SPECC1L: variants seen among roughly 807,000 people sequenced by gnomAD.
SPECC1L encodes the protein cytospin-A.
In SPECC1L, 40 loss-of-function variants were observed where a neutral mutation model predicts 116.8. That is an observed-to-expected ratio of 0.34 (90% CI 0.27 to 0.45). The LOEUF (loss-of-function observed/expected upper bound fraction) is 0.45. Among genes scored for constraint, SPECC1L ranks in the 20% least tolerant of loss-of-function variants. The pLI is 1.00. For missense variants in SPECC1L, 1,110 were observed against 1,373.6 expected, an observed-to-expected ratio of 0.81 and a Z score of 3.03; for synonymous variants, 504 against 500.6, an observed-to-expected ratio of 1.01 and a Z score of -0.09.
At chr22:24,407,477 T>C (rs1036853439) in intron 14 of SPECC1L, among the ~76,000 whole-genome samples, 13 of 152,072 alleles carry the variant, frequency 8.5e-5, no homozygotes, top group African/African-American at 3.1e-4. Context: ...CGCTGTGCAG[T>C]GGTGAGGCCA....
chr22:24,351,410 A>G (rs951949018), intron 11 of SPECC1L, among the ~76,000 whole-genome samples: 3 of 152,200 alleles, frequency 2.0e-5, no homozygotes, highest in Non-Finnish European at 4.4e-5. Context: ...TTGAAAACAC[A>G]GATTAAATGC....
At position 24,358,646 on chromosome 22, in the gene SPECC1L, G is replaced by C. The variant is rs148110625; in HGVS notation, c.2744-4615G>C. Among the ~76,000 whole-genome samples the C allele has an allele frequency of 7.9e-5, 12 of 152,120 alleles. No individual in the cohort carries two copies. The East Asian group carries it at 2.3e-3, about 29-fold the overall frequency. ...TCTGTTTTCGTGACTCTCCCTTTCT[G>C]GTATTTTCCCCACAGCCTCACTTTC... On this transcript the variant is annotated intron_variant, in intron 11 of 16. Coordinates refer to ENST00000314328, the MANE Select transcript of SPECC1L (RefSeq NM_015330.6).
intron 14 of SPECC1L, among the ~76,000 whole-genome samples, chr22:24,388,149 G>A (rs1255571608): frequency 2.0e-5 from 3 of 151,672 alleles, no homozygotes; most frequent in East Asian, 1.9e-4. Context: ...AGTTACATAC[G>A]TATACATGTG....
Position 24,281,410 on chromosome 22 carries a change from C to G in SPECC1L, c.-38+4607C>G, listed in dbSNP as rs967386337. 2.4e-4 allele frequency among the ~76,000 whole-genome samples: 36 copies of G among 152,310 alleles called. 1 individual carries two copies. The highest frequency in any genetic ancestry group is 2.4e-3 in the Admixed American group (36 of 15,302). On this transcript the variant is annotated intron_variant, in intron 2 of 16. Transcript: ENST00000314328. ...ATAATTTCAGGGGAAGAATTGACTT[C>G]TTAATAAAATTGAATCTCCTAACCC... is the stretch of plus-strand genomic sequence containing the variant.
Position 24,298,017 on chromosome 22 carries a change from T to A in SPECC1L, c.-37-4178T>A, listed in dbSNP as rs539810503. Among the ~76,000 whole-genome samples the A allele has an allele frequency of 3.5e-3, 528 of 151,928 alleles. 1 individual carries two copies. Among genetic ancestry groups the A allele is most frequent in the Non-Finnish European group, 3.7e-3 (252 of 67,676 alleles). On this transcript the variant is annotated intron_variant, in intron 2 of 16. Transcript: ENST00000314328. ...CTAATTTATCAACTTAACTTTATCA[T>A]AGGTGGTATGTATACATGGTCCCCA... is the stretch of plus-strand genomic sequence containing the variant.
At chr22:24,312,546 T>C (rs893088495) in intron 3 of SPECC1L, among the ~76,000 whole-genome samples, 7 of 152,200 alleles carry the variant, frequency 4.6e-5, no homozygotes, top group East Asian at 1.9e-4. Flanking sequence ...TCTCTTTTTT[T>C]CCCCCACATA....
intron 10 of SPECC1L, 126 bp downstream of exon 10, chr22:24,338,603 AT>A (rs1430237636): frequency 1.3e-6 from 1 of 752,460 alleles, no homozygotes; most frequent in Non-Finnish European, 2.3e-6. Flanking sequence ...TGTATCTAGA[AT>A]TTGTTTCCTA....
chr22:24,276,581 A>C (rs2146323695), intron 1 of SPECC1L, 119 bp from the exon 2 acceptor site: 1 of 306,254 alleles, frequency 3.3e-6, no homozygotes, highest in Non-Finnish European at 6.4e-6. Flanking sequence ...CAGCTTGGGC[A>C]GCATTGCAAG....
intron 7 of SPECC1L, among the ~76,000 whole-genome samples, chr22:24,329,590 T>C (rs2040898010): frequency 6.6e-6 from 1 of 152,004 alleles, no homozygotes; most frequent in Non-Finnish European, 1.5e-5. Context: ...GCTTTAGGGG[T>C]GTAGGGGGCG....
Position 24,385,436 on chromosome 22 carries a change from G to A in SPECC1L, c.3087+16116G>A, listed in dbSNP as rs143397037. Among the ~76,000 whole-genome samples, 1,135 of 152,224 alleles carry A rather than the reference G, an allele frequency of 7.5e-3. 12 individuals carry two copies. Among genetic ancestry groups the A allele is most frequent in the African/African-American group, 0.026 (1,063 of 41,532 alleles). On this transcript the variant is annotated intron_variant, in intron 14 of 16. Coordinates refer to ENST00000314328, the MANE Select transcript of SPECC1L (RefSeq NM_015330.6). ...AAAGATTTTCATGTTAAAAACAATA[G>A]ACTCAACCATGATTTGTGTATAAGA...
chr22:24,334,306 C>G (rs1335144199), intron 8 of SPECC1L, 104 bp from the exon 9 acceptor site: 1 of 1,222,632 alleles, frequency 8.2e-7, no homozygotes, highest in Non-Finnish European at 1.2e-6. Context: ...GCCACCGTGC[C>G]CGGCCATTAA....
intron 2 of SPECC1L, among the ~76,000 whole-genome samples, chr22:24,293,056 G>A (rs1723181000): frequency 6.6e-6 from 1 of 151,908 alleles, no homozygotes; most frequent in South Asian, 2.1e-4. Context: ...AGGCTGTAGT[G>A]TGCTATGATA....
At chr22:24,300,058 A>G (rs1490968929) in intron 2 of SPECC1L, among the ~76,000 whole-genome samples, 2 of 152,166 alleles carry the variant, frequency 1.3e-5, no homozygotes, top group Non-Finnish European at 2.9e-5. Flanking sequence ...CAGAACATGC[A>G]GGTTTGTTAC....
At chr22:24,407,635 C>T (rs1460775868) in intron 14 of SPECC1L, among the ~76,000 whole-genome samples, 3 of 152,210 alleles carry the variant, frequency 2.0e-5, no homozygotes, top group Admixed American at 6.5e-5. Context: ...GAGCTCCACA[C>T]GTTATTAAGA....
At chr22:24,412,241 AGCCCCCACCCC>A (rs2042712781) in intron 15 of SPECC1L, 1 of 363,940 alleles carries the variant, frequency 2.7e-6, no homozygotes, top group African/African-American at 2.1e-5. Flanking sequence ...CCAGGCCCGC[AGCCCCCACCCC>A]AGTCCCCTGC....
chr22:24,322,524 A>G lies in SPECC1L; in HGVS notation c.1544A>G (p.His515Arg), dbSNP rs759259554. The stretch of plus-strand genomic sequence containing the variant: ...GAGCAGCTTCTTGGTGTCCAGCAGC[A>G]TTTAAGCAATACTTTGAAAATGGCA... ...EREQLLGVQQ[H>R]LSNTLKMAEQ... Residue 515 changes from histidine to arginine, a missense_variant, in exon 5 of 17, where the codon CAT (histidine) becomes CGT (arginine). His to Arg is a conservative substitution (Grantham distance 29). Coordinates refer to ENST00000314328, the MANE Select transcript of SPECC1L (RefSeq NM_015330.6). The G allele has an allele frequency of 8.1e-6, 13 of 1,614,202 alleles. No individual in the cohort carries two copies. The Admixed American group carries it at 8.3e-5, about 10-fold the overall frequency.
intron 12 of SPECC1L, among the ~76,000 whole-genome samples, chr22:24,365,239 C>T (rs552516033): frequency 6.6e-6 from 1 of 152,224 alleles, no homozygotes; most frequent in Non-Finnish European, 1.5e-5. Flanking sequence ...AACTCCTGAC[C>T]TCAAGTGGTC....
intron 14 of SPECC1L, among the ~76,000 whole-genome samples, chr22:24,409,455 C>T (rs764897815): frequency 3.3e-5 from 5 of 151,984 alleles, no homozygotes; most frequent in Admixed American, 6.6e-5. Context: ...ATAAGGGTAA[C>T]GGCTACATAC....
chr22:24,294,424 C>G (rs1283333937), intron 2 of SPECC1L, among the ~76,000 whole-genome samples: 1 of 150,572 alleles, frequency 6.6e-6, no homozygotes, highest in African/African-American at 2.5e-5. Context: ...CTTTGTTGCC[C>G]AGGCTGGAGT....
Sources: allele counts gnomAD v4.1 joint callset (sites outside exome capture counted in the v4.1 genomes callset), GRCh38; gene constraint gnomAD v4.1.1; transcripts MANE v1.5; gene names NCBI Gene and HGNC (gene_info 2026-07-23, HGNC 2026-07-21).